Variants in PPARGC1A observed in about 807,000 individuals in gnomAD.
PPARGC1A encodes peroxisome proliferator-activated receptor gamma coactivator 1-alpha.
In PPARGC1A, 25 loss-of-function variants were observed where a neutral mutation model predicts 88.7. The observed-to-expected ratio is 0.28, with a 90% CI of 0.21 to 0.39. The LOEUF is 0.39. Among genes scored for constraint, PPARGC1A ranks in the 10% least tolerant of loss-of-function variants. The pLI is 1.00. For missense variants in PPARGC1A, 880 were observed against 968.7 expected, an observed-to-expected ratio of 0.91 and a Z score of 1.22; for synonymous variants, 363 against 355.6, an observed-to-expected ratio of 1.02 and a Z score of -0.24.
At chr4:23,907,688 C>T (rs1048759969), upstream of PPARGC1A, among the ~76,000 whole-genome samples, 1 of 152,136 alleles carries the variant, frequency 6.6e-6, no homozygotes, top group Non-Finnish European at 1.5e-5. Flanking sequence ...CCTTTTAGAG[C>T]GCCTACTCTG....
chr4:23,925,852 A>G, the PPARGC1A span, among the ~76,000 whole-genome samples: 5 of 152,168 alleles, frequency 3.3e-5, no homozygotes, highest in African/African-American at 7.2e-5. Flanking sequence ...GAGAGAGAGA[A>G]AAAAATTTTT....
At chr4:23,968,335 T>C in the PPARGC1A span, among the ~76,000 whole-genome samples, 1 of 152,180 alleles carries the variant, frequency 6.6e-6, no homozygotes, top group Non-Finnish European at 1.5e-5. Context: ...TATCATCATA[T>C]TCTTCATGCT....
chr4:23,996,445 C>G, the PPARGC1A span, among the ~76,000 whole-genome samples: 2 of 152,112 alleles, frequency 1.3e-5, no homozygotes, highest in Non-Finnish European at 2.9e-5. Context: ...CAGAATACCC[C>G]ATGAAGCAAG....
At chr4:24,123,158 T>C in the PPARGC1A span, among the ~76,000 whole-genome samples, 1 of 152,146 alleles carries the variant, frequency 6.6e-6, no homozygotes, top group African/African-American at 2.4e-5. Context: ...GACAACTAGC[T>C]AGATTCCTGG....
the PPARGC1A span, among the ~76,000 whole-genome samples, chr4:24,351,890 T>C: frequency 2.1e-4 from 32 of 152,188 alleles, no homozygotes; most frequent in African/African-American, 7.5e-4. Context: ...GAAAGGGTGT[T>C]CTTTTTTTAT....
chr4:24,228,829 C>T, the PPARGC1A span, among the ~76,000 whole-genome samples: 3 of 152,196 alleles, frequency 2.0e-5, no homozygotes, highest in African/African-American at 7.2e-5. Context: ...TATCAAAAGT[C>T]GATATTTATC....
At chr4:24,432,140 G>C in the PPARGC1A span, among the ~76,000 whole-genome samples, 1 of 152,170 alleles carries the variant, frequency 6.6e-6, no homozygotes, top group Admixed American at 6.5e-5. Context: ...GAATAAGACA[G>C]AGGAAAGAAA....
At chr4:24,224,633 C>T in the PPARGC1A span, among the ~76,000 whole-genome samples, 49 of 152,076 alleles carry the variant, frequency 3.2e-4, no homozygotes, top group Non-Finnish European at 6.3e-4. Context: ...ACAAAACAGA[C>T]AAAACTCCAT....
upstream of PPARGC1A, among the ~76,000 whole-genome samples, chr4:23,906,932 T>C (rs17576640): frequency 0.32 from 48,170 of 152,058 alleles, 10,127 homozygotes; most frequent in Non-Finnish European, 0.47. Flanking sequence ...ACTAAATTTA[T>C]TTCCAAAACT....
At chr4:24,117,182 C>G in the PPARGC1A span, among the ~76,000 whole-genome samples, 1 of 152,184 alleles carries the variant, frequency 6.6e-6, no homozygotes, top group African/African-American at 2.4e-5. Context: ...GAGGTTTATA[C>G]TTTTCCAAGA....
chr4:24,358,896 A>G, the PPARGC1A span, among the ~76,000 whole-genome samples: 1 of 152,088 alleles, frequency 6.6e-6, no homozygotes. Context: ...AAGAAGAGAC[A>G]TTTTCCTCAT....
the PPARGC1A span, among the ~76,000 whole-genome samples, chr4:24,077,594 G>A: frequency 5.2e-3 from 755 of 145,640 alleles, 5 homozygotes; most frequent in Non-Finnish European, 6.8e-3. Flanking sequence ...TAGCCCAAAT[G>A]TTCTGAAATG....
rs376073241 is a variant in PPARGC1A, at chr4:23,823,366, T to G, written c.877+914A>C. Among the ~76,000 whole-genome samples, 6 of 152,002 alleles carry G rather than the reference T, an allele frequency of 3.9e-5. No homozygotes were observed. The South Asian group carries it at 1.2e-3, about 31-fold the overall frequency. On this transcript the variant is annotated intron_variant, in intron 7 of 12. Transcript: ENST00000264867. ...AAAGATGAATCAATAGACCCCCAAA[T>G]AGTAAAAAATAAGCTTAAGGTAAAG...
the PPARGC1A span, among the ~76,000 whole-genome samples, chr4:24,441,288 T>G: frequency 6.6e-6 from 1 of 152,168 alleles, no homozygotes; most frequent in East Asian, 1.9e-4. Context: ...CACTTCTTCT[T>G]CTAGCTTTGA....
the PPARGC1A span, among the ~76,000 whole-genome samples, chr4:24,205,394 A>G: frequency 3.3e-5 from 5 of 152,202 alleles, no homozygotes; most frequent in South Asian, 1.0e-3. Flanking sequence ...GGTCACCGCC[A>G]GTATGATCAA....
intron 2 of PPARGC1A, among the ~76,000 whole-genome samples, chr4:23,865,107 C>G (rs778953201): frequency 6.6e-6 from 1 of 152,102 alleles, no homozygotes; most frequent in East Asian, 1.9e-4. Context: ...ATCACTTGAA[C>G]CTGGGAGGTG....
the PPARGC1A span, among the ~76,000 whole-genome samples, chr4:24,407,403 T>C: frequency 1.3e-5 from 2 of 152,224 alleles, no homozygotes; most frequent in Admixed American, 1.3e-4. Context: ...CACACCCTGC[T>C]GACCCCACTA....
upstream of PPARGC1A, chr4:23,903,885 C>T (rs77997628): frequency 0.059 from 15,355 of 258,080 alleles, 549 homozygotes; most frequent in South Asian, 0.12. Flanking sequence ...ATCTGGTATA[C>T]ACACATATAT....
the PPARGC1A span, among the ~76,000 whole-genome samples, chr4:24,090,130 T>TA: frequency 2.6e-5 from 4 of 152,082 alleles, no homozygotes; most frequent in Non-Finnish European, 5.9e-5. Flanking sequence ...AAAGACTATA[T>TA]AAAATGACAA....
Sources: gnomAD v4.1 joint callset for allele counts (sites outside exome capture counted in the v4.1 genomes callset) on GRCh38, gnomAD v4.1.1 for gene constraint, MANE v1.5 for transcripts, NCBI Gene and HGNC (gene_info 2026-07-23, HGNC 2026-07-21) for gene names.